B3GALT1: variants seen among roughly 807,000 people sequenced by gnomAD.
B3GALT1 encodes UDP-Gal:betaGlcNAc beta 1,3-galactosyltransferase, polypeptide 1.
B3GALT1 carries 10 observed loss-of-function variants against 23.2 expected under a neutral mutation model. The observed-to-expected ratio is 0.43, with a 90% CI of 0.27 to 0.73. The LOEUF (loss-of-function observed/expected upper bound fraction) is 0.73, where lower values mean the gene tolerates loss of function less well. Among genes scored for constraint, B3GALT1 ranks in the 30% least tolerant of loss-of-function variants. B3GALT1 has a pLI of 0.21. For missense variants in B3GALT1, 299 were observed against 405.4 expected (o/e 0.74, Z 2.25); for synonymous variants, 156 against 141.5 (o/e 1.10, Z -0.73).
chr2:167,835,283 G>C (rs1436072082), intron 4 of B3GALT1, among the ~76,000 whole-genome samples: 1 of 152,196 alleles, frequency 6.6e-6, no homozygotes, highest in Admixed American at 6.5e-5. Context: ...CCTAGTCAAA[G>C]AAAGGGGTGA....
chr2:167,363,053 C>T (rs1697521564), intron 1 of B3GALT1, among the ~76,000 whole-genome samples: 1 of 151,370 alleles, frequency 6.6e-6, no homozygotes, highest in Non-Finnish European at 1.5e-5. Flanking sequence ...ATGGGGTTTG[C>T]CATGTAGGCC....
In B3GALT1 at chr2:167,820,703, C is replaced by A. The variant is rs76245656; in HGVS notation, c.-230+1910C>A. Among the ~76,000 whole-genome samples, 279 of 152,250 alleles carry A rather than the reference C, an allele frequency of 1.8e-3. 1 individual carries two copies. The highest frequency in any genetic ancestry group is 6.4e-3 in the African/African-American group (265 of 41,530). On this transcript the variant is annotated intron_variant, in intron 4 of 4. Transcript: ENST00000392690. The stretch of plus-strand genomic sequence containing the variant: ...ATATGGAAGCTATTTGTTAGTGCAG[C>A]GTAACTGAGACTATCCTGACTATTA...
At chr2:167,512,717 A>G (rs1329111725) in intron 2 of B3GALT1, among the ~76,000 whole-genome samples, 1 of 146,258 alleles carries the variant, frequency 6.8e-6, no homozygotes, top group Non-Finnish European at 1.5e-5. Flanking sequence ...GCTCACTGCA[A>G]CCTACAGCTC....
In B3GALT1 at chr2:167,869,911, C is replaced by T; in HGVS notation, c.872C>T (p.Ala291Val). 4 of 1,614,158 alleles carry T rather than the reference C, an allele frequency of 2.5e-6. No homozygotes were observed. The highest frequency in any genetic ancestry group is 3.4e-6 in the Non-Finnish European group (4 of 1,180,024). Residue 291 changes from alanine to valine, a missense_variant, in exon 5 of 5, where the codon GCC (alanine) becomes GTC (valine). Around this residue, in one of 3 missense-constraint regions of B3GALT1, gnomAD observed 133 missense variants for 204.8 expected, o/e 0.65. Transcript: ENST00000392690. The surrounding 1 kb of genome is among the most constrained non-coding windows in gnomAD (Gnocchi z 6.4). ...AGTGGCTTCAATCACTGGAAAATGGCCTACAGTTTGTGTAGGTATCGCCGA... is the reference window on the plus strand; with the variant it reads ...AGTGGCTTCAATCACTGGAAAATGGTCTACAGTTTGTGTAGGTATCGCCGA... ...QNSGFNHWKM[A>V]YSLCRYRRVI...
chr2:167,444,735 C>T (rs1243424146), intron 1 of B3GALT1, among the ~76,000 whole-genome samples: 1 of 152,054 alleles, frequency 6.6e-6, no homozygotes, highest in Non-Finnish European at 1.5e-5. Context: ...TTTTTTATTG[C>T]ATCTATTTGA....
chr2:167,702,423 A>G (rs984924495), intron 3 of B3GALT1, among the ~76,000 whole-genome samples: 2 of 152,210 alleles, frequency 1.3e-5, no homozygotes, highest in Non-Finnish European at 2.9e-5. Context: ...ATGTGCATAT[A>G]TGTTGAAGGG....
chr2:167,345,768 A>G (rs943880122), intron 1 of B3GALT1, among the ~76,000 whole-genome samples: 1 of 152,202 alleles, frequency 6.6e-6, no homozygotes, highest in African/African-American at 2.4e-5. Flanking sequence ...GCTGTGGTAG[A>G]TGATTACTTA....
At chr2:167,780,772 G>A (rs1056917953) in intron 3 of B3GALT1, among the ~76,000 whole-genome samples, 6 of 152,180 alleles carry the variant, frequency 3.9e-5, no homozygotes, top group African/African-American at 1.4e-4. Context: ...CTTGATTTCT[G>A]CTCTGCAGAT....
intron 4 of B3GALT1, among the ~76,000 whole-genome samples, chr2:167,846,042 A>G (rs1447255111): frequency 6.6e-6 from 1 of 152,094 alleles, no homozygotes; most frequent in African/African-American, 2.4e-5. Context: ...AACCCAATCC[A>G]ACAAAGTCAA....
intron 2 of B3GALT1, among the ~76,000 whole-genome samples, chr2:167,572,971 A>G (rs1302855830): frequency 6.6e-6 from 1 of 151,786 alleles, no homozygotes; most frequent in Non-Finnish European, 1.5e-5. Context: ...TCAAAGAGAC[A>G]TTGTTGAATT....
At chr2:167,779,024 A>G (rs1688206315) in intron 3 of B3GALT1, among the ~76,000 whole-genome samples, 1 of 152,232 alleles carries the variant, frequency 6.6e-6, no homozygotes, top group Non-Finnish European at 1.5e-5. Context: ...CATTGAATGC[A>G]AATATTTTGA....
At chr2:167,675,164 A>G (rs1308069531) in intron 3 of B3GALT1, among the ~76,000 whole-genome samples, 1 of 152,162 alleles carries the variant, frequency 6.6e-6, no homozygotes, top group Admixed American at 6.5e-5. Flanking sequence ...TTTCCACAGT[A>G]TGTGAATTAA....
intron 3 of B3GALT1, among the ~76,000 whole-genome samples, chr2:167,742,040 A>G (rs1183572468): frequency 6.6e-6 from 1 of 152,196 alleles, no homozygotes; most frequent in Non-Finnish European, 1.5e-5. Context: ...ACAGACTCTA[A>G]CGACTCCAAA....
chr2:167,400,431 A>G (rs1177379733), intron 1 of B3GALT1, among the ~76,000 whole-genome samples: 2 of 151,592 alleles, frequency 1.3e-5, no homozygotes, highest in East Asian at 1.9e-4. Flanking sequence ...CATATTTTCC[A>G]TCTTCTTTTG....
intron 1 of B3GALT1, among the ~76,000 whole-genome samples, chr2:167,303,246 T>A (rs933220951): frequency 2.0e-5 from 3 of 152,176 alleles, no homozygotes; most frequent in Non-Finnish European, 4.4e-5. Flanking sequence ...GAAATTTATG[T>A]GTTTAATTTT....
intron 4 of B3GALT1, among the ~76,000 whole-genome samples, chr2:167,866,498 G>A (rs1690220884): frequency 6.6e-6 from 1 of 152,158 alleles, no homozygotes; most frequent in Non-Finnish European, 1.5e-5. Flanking sequence ...GTTGATTGAT[G>A]GATGCATGGA....
At chr2:167,745,976 A>G (rs1225093762) in intron 3 of B3GALT1, among the ~76,000 whole-genome samples, 1 of 151,964 alleles carries the variant, frequency 6.6e-6, no homozygotes, top group Non-Finnish European at 1.5e-5. Context: ...AATAATTCTC[A>G]TTTTCTTATG....
intron 1 of B3GALT1, among the ~76,000 whole-genome samples, chr2:167,442,083 TG>T (rs1307618621): frequency 6.8e-6 from 1 of 146,322 alleles, no homozygotes; most frequent in Non-Finnish European, 1.5e-5. Flanking sequence ...CCTGTGTCCA[TG>T]TGATCTCATT....
intron 1 of B3GALT1, among the ~76,000 whole-genome samples, chr2:167,421,194 G>A (rs1698542011): frequency 6.6e-6 from 1 of 152,190 alleles, no homozygotes; most frequent in Admixed American, 6.5e-5. Flanking sequence ...TATTTCTAAT[G>A]TAAATTAATT....
Sources: allele counts gnomAD v4.1 joint callset (sites outside exome capture counted in the v4.1 genomes callset), GRCh38; gene constraint gnomAD v4.1.1; regional missense constraint gnomAD v4.1.1; non-coding constraint Gnocchi (gnomAD v3.1); transcripts MANE v1.5; gene names NCBI Gene and HGNC (gene_info 2026-07-23, HGNC 2026-07-21).